TTLL1: variants seen among roughly 807,000 people sequenced by gnomAD.
The protein encoded by TTLL1 is TTL family tubulin polyglutamylase complex subunit L1.
Under a neutral mutation model 47.8 loss-of-function variants are expected in TTLL1, and 33 were observed. That is an observed-to-expected ratio of 0.69 (90% CI 0.52 to 0.92). The LOEUF (loss-of-function observed/expected upper bound fraction) is 0.92, where lower values mean the gene tolerates loss of function less well. Among genes scored for constraint, TTLL1 ranks in the 40% least tolerant of loss-of-function variants. The probability of loss-of-function intolerance (pLI) is 0.00; values close to 1 mark genes in which losing one functional copy is unlikely to be tolerated. For missense variants in TTLL1, 488 were observed against 547.5 expected (o/e 0.89, Z 1.08); for synonymous variants, 225 against 214.1 (o/e 1.05, Z -0.45).
intron 9 of TTLL1, among the ~76,000 whole-genome samples, chr22:43,049,774 GAAAAAAAAAAAGAAAAGAAA>G (rs1171384373): frequency 4.5e-5 from 5 of 112,278 alleles, no homozygotes; most frequent in African/African-American, 1.4e-4. Flanking sequence ...TCTCAAGACA[GAAAAAAAAAAAGAAAAGAAA>G]AAAAAAAAAG....
intron 3 of TTLL1, 140 bp downstream of exon 3, chr22:43,075,334 C>T: frequency 1.3e-6 from 1 of 743,298 alleles, no homozygotes; most frequent in East Asian, 2.5e-5. Flanking sequence ...CACAAAAAAC[C>T]TTAAGGAAAA....
At chr22:43,068,376 C>A in intron 5 of TTLL1, 34 bp downstream of exon 5, 1 of 1,445,846 alleles carries the variant, frequency 6.9e-7, no homozygotes, top group Non-Finnish European at 9.2e-7. Flanking sequence ...GAACTGGGAC[C>A]TGGCACACAA....
chr22:43,084,861 T>C (rs1438315623), intron 1 of TTLL1, among the ~76,000 whole-genome samples: 1 of 151,586 alleles, frequency 6.6e-6, no homozygotes, highest in Non-Finnish European at 1.5e-5. Context: ...TAGGTTGGAG[T>C]AATTCTAGCC....
intron 2 of TTLL1, among the ~76,000 whole-genome samples, chr22:43,077,681 A>C (rs1928598198): frequency 6.6e-6 from 1 of 152,098 alleles, no homozygotes. Context: ...TCGTTTTCAA[A>C]CTGCTCAGGC....
At chr22:43,080,620 G>T (rs1425665714) in intron 1 of TTLL1, among the ~76,000 whole-genome samples, 1 of 151,840 alleles carries the variant, frequency 6.6e-6, no homozygotes, top group African/African-American at 2.4e-5. Flanking sequence ...GCAAGCCTGT[G>T]TGCACCCTGT....
At chr22:43,075,369 G>A (rs1020112766) in intron 3 of TTLL1, 105 bp downstream of exon 3, 7 of 904,986 alleles carry the variant, frequency 7.7e-6, no homozygotes, top group Non-Finnish European at 1.3e-5. Flanking sequence ...ATGGCACAAT[G>A]ACAGGAGACA....
chr22:43,053,294 C>G (rs1451939630), intron 8 of TTLL1, among the ~76,000 whole-genome samples: 2 of 152,170 alleles, frequency 1.3e-5, no homozygotes, highest in Non-Finnish European at 2.9e-5. Context: ...ACACTTGAAG[C>G]TAGAAACTCT....
intron 5 of TTLL1, among the ~76,000 whole-genome samples, chr22:43,066,636 C>A (rs111615592): frequency 2.0e-5 from 3 of 151,366 alleles, no homozygotes; most frequent in Non-Finnish European, 4.4e-5. Context: ...GTGGGAGGAT[C>A]GCTTGGGCCT....
At chr22:43,055,516 G>T in intron 8 of TTLL1, among the ~76,000 whole-genome samples, 1 of 151,980 alleles carries the variant, frequency 6.6e-6, no homozygotes, top group East Asian at 1.9e-4. Flanking sequence ...ATTTTTTGTA[G>T]AGACAGAGTC....
At position 43,052,081 on chromosome 22, in the gene TTLL1, G is replaced by T. The variant is rs1179838715; in HGVS notation, c.892-194C>A. On this transcript the variant is annotated intron_variant, in intron 8 of 10. Transcript: ENST00000266254. ...GCTCAGAGATTGGGCACTTTCCTCA[G>T]CCTGATAGAGGGAATTGATGAAGCC... is the stretch of plus-strand genomic sequence containing the variant. The T allele has an allele frequency of 5.1e-6, 3 of 591,750 alleles. No homozygotes were observed. In the African/African-American group the frequency reaches 5.6e-5, roughly 11 times the overall value. The allele number at this position is 591,750 out of a possible 1,614,324, so 36.7% of individuals were successfully genotyped here.
At chr22:43,084,509 T>C (rs1262042219) in intron 1 of TTLL1, among the ~76,000 whole-genome samples, 1 of 151,568 alleles carries the variant, frequency 6.6e-6, no homozygotes, top group Non-Finnish European at 1.5e-5. Context: ...CTAGGTTTCT[T>C]TTCTTTTTTT....
chr22:43,084,626 C>T (rs1212957851), intron 1 of TTLL1, among the ~76,000 whole-genome samples: 4 of 151,964 alleles, frequency 2.6e-5, no homozygotes, highest in Non-Finnish European at 5.9e-5. Flanking sequence ...CTCAGCCTCC[C>T]GAGTAGCCAG....
In TTLL1 at chr22:43,069,916, G is replaced by A. The variant is rs560939403; in HGVS notation, c.114-72C>T. ...GCAGAAGTCCTTTGTTCCCGTCCCC[G>A]CAAACACCCTGAACCCTCAGCACCC... On this transcript the variant is annotated intron_variant, in intron 3 of 10. Transcript: ENST00000266254. The A allele has an allele frequency of 4.0e-5, 63 of 1,567,080 alleles. 1 individual carries two copies. The African/African-American group carries it at 4.1e-4, about 10-fold the overall frequency.
chr22:43,056,702 T>C (rs189221669), intron 8 of TTLL1, among the ~76,000 whole-genome samples: 8 of 151,874 alleles, frequency 5.3e-5, no homozygotes, highest in Non-Finnish European at 5.9e-5. Context: ...AGAGAATCTC[T>C]TGAACCCGGG....
chr22:43,078,770 C>T (rs1219333824), intron 2 of TTLL1, among the ~76,000 whole-genome samples: 3 of 152,010 alleles, frequency 2.0e-5, no homozygotes, highest in Non-Finnish European at 4.4e-5. Context: ...ATATGGTGCA[C>T]GTGGAACCTC....
chr22:43,085,437 G>T (rs970338171), intron 1 of TTLL1, among the ~76,000 whole-genome samples: 1 of 152,164 alleles, frequency 6.6e-6, no homozygotes, highest in Non-Finnish European at 1.5e-5. Flanking sequence ...TAATCCCCAC[G>T]AGTCAAGGGC....
chr22:43,085,744 A>G (rs1365906386), intron 1 of TTLL1, among the ~76,000 whole-genome samples: 4 of 152,186 alleles, frequency 2.6e-5, no homozygotes, highest in Non-Finnish European at 5.9e-5. Context: ...GATGAGGAAA[A>G]TGGGGGCCAG....
At chr22:43,071,503 A>G (rs943659853) in intron 3 of TTLL1, among the ~76,000 whole-genome samples, 1 of 152,066 alleles carries the variant, frequency 6.6e-6, no homozygotes, top group African/African-American at 2.4e-5. Context: ...TCTGCCTCGC[A>G]GGTTCGAGCC....
At chr22:43,084,349 C>A (rs993928778) in intron 1 of TTLL1, among the ~76,000 whole-genome samples, 1 of 151,866 alleles carries the variant, frequency 6.6e-6, no homozygotes, top group African/African-American at 2.4e-5. Context: ...GGGGTTTCAC[C>A]ATGTTGTCCA....
Sources: allele counts gnomAD v4.1 joint callset (sites outside exome capture counted in the v4.1 genomes callset), GRCh38; gene constraint gnomAD v4.1.1; transcripts MANE v1.5; gene names NCBI Gene and HGNC (gene_info 2026-07-23, HGNC 2026-07-21).